COL5A2: variants seen among roughly 807,000 people sequenced by gnomAD.
COL5A2 encodes the protein collagen type V alpha 2 chain.
COL5A2 carries 23 observed loss-of-function variants against 208.2 expected under a neutral mutation model. The observed-to-expected ratio is 0.11, with a 90% CI of 0.08 to 0.16. The LOEUF is 0.16. COL5A2 is among the 10% of genes least tolerant of loss of function. The probability of loss-of-function intolerance (pLI) is 1.00; values close to 1 mark genes in which losing one functional copy is unlikely to be tolerated. For synonymous variants in COL5A2, 625 were observed against 628.5 expected (o/e 0.99, Z 0.08); for missense variants, 1,590 against 1,956.4 (o/e 0.81, Z 3.53).
rs754055737 is a variant in COL5A2 at position 189,075,444 on chromosome 2, A to G, written c.1060-7T>C. Reference sequence around the variant, plus strand: ...CATGTGCACCTCGTTGTCCCTAATTAAGAGAAAAAGAGACAAGACAGGATA... The same window carrying G: ...CATGTGCACCTCGTTGTCCCTAATTGAGAGAAAAAGAGACAAGACAGGATA... On this transcript the variant is annotated splice_polypyrimidine_tract_variant and splice_region_variant and intron_variant, in intron 16 of 53. Coordinates refer to ENST00000374866, the MANE Select transcript of COL5A2 (RefSeq NM_000393.5). The G allele has an allele frequency of 6.2e-7, 1 of 1,601,238 alleles. No homozygotes were observed. The highest frequency in any genetic ancestry group is 8.6e-7 in the Non-Finnish European group (1 of 1,168,808).
At chr2:189,239,676 G>A in the COL5A2 span, among the ~76,000 whole-genome samples, 2 of 150,266 alleles carry the variant, frequency 1.3e-5, no homozygotes, top group African/African-American at 2.4e-5. Context: ...GCTAAATGAC[G>A]AGTTAATGGG....
rs757439328 is a variant in COL5A2, at chr2:189,098,746, C to T, written c.383G>A (p.Arg128His). ...PGLVPVVTGI[R>H]GRPGPAGPPG... is the part of the protein sequence containing the mutation. Reference sequence around the variant, plus strand: ...ACTTACTGCCGGTCCTGGACGACCACGTATGCCTGTTACCTAAACAATAAA... The same window carrying T: ...ACTTACTGCCGGTCCTGGACGACCATGTATGCCTGTTACCTAAACAATAAA... The change falls in exon 5 of 54, where the codon CGT (arginine) becomes CAT (histidine). Residue 128 changes from arginine (R) to histidine (H), a missense_variant. By Grantham distance (29) the Arg-to-His change is conservative (BLOSUM62 0). Transcript: ENST00000374866. 14 of 1,612,838 alleles carry T rather than the reference C, an allele frequency of 8.7e-6. No homozygotes were observed. The highest frequency in any genetic ancestry group is 5.5e-5 in the South Asian group (5 of 91,064).
At chr2:189,242,277 A>G in the COL5A2 span, among the ~76,000 whole-genome samples, 31 of 152,164 alleles carry the variant, frequency 2.0e-4, no homozygotes, top group African/African-American at 5.8e-4. Context: ...TATACATAAA[A>G]CATTTTTTAG....
At chr2:189,348,487 A>G in the COL5A2 span, among the ~76,000 whole-genome samples, 3,607 of 152,300 alleles carry the variant, frequency 0.024, 92 homozygotes, top group Admixed American at 0.068. Context: ...AATAAGATGA[A>G]CAAAACAGAC....
the COL5A2 span, among the ~76,000 whole-genome samples, chr2:189,380,624 T>G: frequency 6.6e-6 from 1 of 151,732 alleles, no homozygotes; most frequent in East Asian, 1.9e-4. Context: ...TGTTCAATTA[T>G]TTTTCTGTAA....
At chr2:189,399,708 T>C in the COL5A2 span, among the ~76,000 whole-genome samples, 1 of 152,118 alleles carries the variant, frequency 6.6e-6, no homozygotes, top group African/African-American at 2.4e-5. Flanking sequence ...GGTTGGTTGG[T>C]TATCTGTTTG....
At chr2:189,361,553 T>TA in the COL5A2 span, among the ~76,000 whole-genome samples, 1 of 151,846 alleles carries the variant, frequency 6.6e-6, no homozygotes, top group Non-Finnish European at 1.5e-5. Flanking sequence ...TGTTTTTTTT[T>TA]AATCTATTTA....
At chr2:189,037,364 A>G (rs1477347027) in intron 51 of COL5A2, among the ~76,000 whole-genome samples, 1 of 152,202 alleles carries the variant, frequency 6.6e-6, no homozygotes, top group Non-Finnish European at 1.5e-5. Context: ...TCAAATACAC[A>G]ATTTAATATG....
At chr2:189,258,396 T>C in the COL5A2 span, among the ~76,000 whole-genome samples, 1,752 of 152,338 alleles carry the variant, frequency 0.012, 34 homozygotes, top group African/African-American at 0.041. Flanking sequence ...ATATCCAAAA[T>C]AACTTATTTA....
Position 189,110,418 on chromosome 2 carries a change from C to G in COL5A2, c.129G>C (p.Gln43His). 1 of 1,614,006 alleles carries G rather than the reference C, an allele frequency of 6.2e-7. No homozygotes were observed. Among genetic ancestry groups the G allele is most frequent in the Non-Finnish European group, 8.5e-7 (1 of 1,179,942 alleles). The stretch of plus-strand genomic sequence containing the variant: ...CCCTGTTTAAGTACATCTGGCCATT[C>G]TGAGTGCAGGCTATTTCTTCACCAT... ...EGYGEEIACT[Q>H]NGQMYLNRDI... Residue 43 changes from glutamine (Q) to histidine (H), a missense_variant, in exon 2 of 54, where the codon CAG becomes CAC. Coordinates refer to ENST00000374866, the MANE Select transcript of COL5A2 (RefSeq NM_000393.5).
At chr2:189,064,716 A>T (rs1686109523) in intron 24 of COL5A2, 61 bp from the exon 25 acceptor site, 4 of 1,168,978 alleles carry the variant, frequency 3.4e-6, no homozygotes, top group Non-Finnish European at 1.3e-6. Context: ...AAGCAAGCAG[A>T]AGTAAAATTA....
the COL5A2 span, among the ~76,000 whole-genome samples, chr2:189,360,300 T>G: frequency 6.6e-6 from 1 of 152,242 alleles, no homozygotes; most frequent in Middle Eastern, 3.4e-3. Context: ...TAGTTAAAAT[T>G]TTAATTAGGA....
At chr2:189,050,145 C>A (rs1685752707) in intron 43 of COL5A2, among the ~76,000 whole-genome samples, 1 of 152,186 alleles carries the variant, frequency 6.6e-6, no homozygotes, top group Non-Finnish European at 1.5e-5. Context: ...ATTCCCCCTA[C>A]ATTCACCTCA....
chr2:189,248,506 C>T, the COL5A2 span, among the ~76,000 whole-genome samples: 4 of 152,196 alleles, frequency 2.6e-5, no homozygotes, highest in East Asian at 7.7e-4. Context: ...ATCATAGAAA[C>T]ATTTATTAAT....
chr2:189,228,735 TTAAA>T (rs1391304431), upstream of COL5A2, among the ~76,000 whole-genome samples: 4 of 151,790 alleles, frequency 2.6e-5, no homozygotes, highest in African/African-American at 9.7e-5. Flanking sequence ...TACCAAACAT[TTAAA>T]TAATTAGTGG....
chr2:189,157,128 CTATA>C (rs1688264061), intron 1 of COL5A2, among the ~76,000 whole-genome samples: 9 of 688 alleles, frequency 0.013, no homozygotes, highest in South Asian at 0.036. Flanking sequence ...ATATATCTAT[CTATA>C]TATATATCTA....
chr2:189,108,117 G>A (rs1687185800), intron 2 of COL5A2, among the ~76,000 whole-genome samples: 2 of 151,638 alleles, frequency 1.3e-5, no homozygotes, highest in South Asian at 4.1e-4. Flanking sequence ...CATTATATAT[G>A]TTTTATAATT....
At chr2:189,138,503 CAT>C (rs1039759299) in intron 1 of COL5A2, among the ~76,000 whole-genome samples, 8 of 152,068 alleles carry the variant, frequency 5.3e-5, no homozygotes, top group African/African-American at 1.9e-4. Context: ...TTAGTACACA[CAT>C]ATATATTTCC....
At chr2:189,153,131 C>G (rs1201349438) in intron 1 of COL5A2, among the ~76,000 whole-genome samples, 2 of 152,150 alleles carry the variant, frequency 1.3e-5, no homozygotes, top group Non-Finnish European at 2.9e-5. Flanking sequence ...AAAAGTCAAC[C>G]TAGCTAAACA....
Sources: gnomAD v4.1 joint callset for allele counts (sites outside exome capture counted in the v4.1 genomes callset) on GRCh38, gnomAD v4.1.1 for gene constraint, MANE v1.5 for transcripts, NCBI Gene and HGNC (gene_info 2026-07-23, HGNC 2026-07-21) for gene names.